The following DYNC1I1 variants were observed in gnomAD, a reference collection of about 807,000 sequenced individuals.
DYNC1I1 encodes dynein cytoplasmic 1 intermediate chain 1.
Under a neutral mutation model 86.6 loss-of-function variants are expected in DYNC1I1, and 43 were observed. The ratio of observed to expected loss-of-function variants is 0.50; its 90% CI spans 0.39 to 0.64. The LOEUF is 0.64. Among genes scored for constraint, DYNC1I1 ranks in the 30% least tolerant of loss-of-function variants. The probability of loss-of-function intolerance (pLI) is 0.00; values close to 1 mark genes in which losing one functional copy is unlikely to be tolerated. For synonymous variants in DYNC1I1, 262 were observed against 283.7 expected (o/e 0.92, Z 0.77); for missense variants, 604 against 788.8 (o/e 0.77, Z 2.81).
intron 11 of DYNC1I1, among the ~76,000 whole-genome samples, chr7:96,030,330 T>TGTGTG (rs1794778067): frequency 1.5e-5 from 2 of 135,400 alleles, no homozygotes; most frequent in African/African-American, 2.8e-5. Flanking sequence ...AATGGTAGAG[T>TGTGTG]TGTGTGTGTG....
At chr7:96,030,495 G>T (rs1301106260) in intron 11 of DYNC1I1, among the ~76,000 whole-genome samples, 3 of 151,900 alleles carry the variant, frequency 2.0e-5, no homozygotes, top group African/African-American at 4.8e-5. Context: ...CCTGGGAGGG[G>T]CTGCCACACA....
intron 4 of DYNC1I1, among the ~76,000 whole-genome samples, chr7:95,826,077 G>C (rs992054179): frequency 6.6e-6 from 1 of 152,200 alleles, no homozygotes; most frequent in Non-Finnish European, 1.5e-5. Flanking sequence ...TGTATGTCCT[G>C]GAGCGTGTTT....
chr7:95,830,205 G>A lies in DYNC1I1; in HGVS notation c.374+2089G>A, dbSNP rs533368278. 3.3e-5 allele frequency among the ~76,000 whole-genome samples: 5 copies of A among 152,108 alleles called. No homozygotes were observed. In the East Asian group the frequency reaches 5.8e-4, roughly 18 times the overall value. On this transcript the variant is annotated intron_variant, in intron 5 of 16. Transcript: ENST00000447467. ...TGTCACTTAATTTAACACCTTTACT[G>A]AAGTATAACTGGCTTTAAATAAACT...
intron 16 of DYNC1I1, among the ~76,000 whole-genome samples, chr7:96,090,507 A>T (rs1460493775): frequency 7.3e-6 from 1 of 137,804 alleles, no homozygotes; most frequent in African/African-American, 2.9e-5. Context: ...TGGATTTTTT[A>T]AAAAGTGTTA....
At chr7:95,889,373 T>G (rs551294248) in intron 6 of DYNC1I1, among the ~76,000 whole-genome samples, 24 of 152,180 alleles carry the variant, frequency 1.6e-4, no homozygotes, top group Admixed American at 5.2e-4. Flanking sequence ...CAATAAATAG[T>G]TCTGGGACAA....
At chr7:96,040,096 T>C (rs778855246) in intron 14 of DYNC1I1, among the ~76,000 whole-genome samples, 1 of 151,946 alleles carries the variant, frequency 6.6e-6, no homozygotes, top group African/African-American at 2.4e-5. Context: ...TAGCTACATA[T>C]GGTGGTACAT....
At chr7:95,840,104 A>G (rs1484512651) in intron 5 of DYNC1I1, among the ~76,000 whole-genome samples, 2 of 151,960 alleles carry the variant, frequency 1.3e-5, no homozygotes, top group African/African-American at 4.8e-5. Flanking sequence ...GGGCTTCCTG[A>G]ATCTGGATGT....
intron 6 of DYNC1I1, among the ~76,000 whole-genome samples, chr7:95,878,779 A>G (rs1042919913): frequency 1.3e-5 from 2 of 152,172 alleles, no homozygotes; most frequent in African/African-American, 4.8e-5. Context: ...TAGACACAGC[A>G]TAGTACAAAT....
intron 14 of DYNC1I1, among the ~76,000 whole-genome samples, chr7:96,075,231 T>G (rs1790293943): frequency 6.6e-6 from 1 of 152,164 alleles, no homozygotes; most frequent in Admixed American, 6.5e-5. Context: ...CCATTTTAAT[T>G]TATTGTATCC....
intron 10 of DYNC1I1, among the ~76,000 whole-genome samples, chr7:96,001,441 T>A (rs190319981): frequency 6.6e-6 from 1 of 152,348 alleles, no homozygotes; most frequent in Admixed American, 6.5e-5. Context: ...ATAGTTATAT[T>A]AGCCTGCTCA....
intron 5 of DYNC1I1, among the ~76,000 whole-genome samples, chr7:95,841,018 A>G (rs1008132001): frequency 1.3e-5 from 2 of 152,212 alleles, no homozygotes; most frequent in African/African-American, 2.4e-5. Flanking sequence ...AGGAAGAGGA[A>G]CTGTGGCAAA....
At chr7:95,960,043 A>G (rs1018366852) in intron 6 of DYNC1I1, among the ~76,000 whole-genome samples, 1 of 152,210 alleles carries the variant, frequency 6.6e-6, no homozygotes. Context: ...ACAGGAGATC[A>G]TATATTGTAA....
chr7:95,839,431 C>G (rs1789216104), intron 5 of DYNC1I1, among the ~76,000 whole-genome samples: 1 of 152,190 alleles, frequency 6.6e-6, no homozygotes, highest in South Asian at 2.1e-4. Flanking sequence ...AGCATTTTCT[C>G]TTGCATACGA....
chr7:96,084,293 C>G (rs1790610695), intron 16 of DYNC1I1, among the ~76,000 whole-genome samples: 2 of 138,086 alleles, frequency 1.4e-5, no homozygotes, highest in Admixed American at 7.7e-5. Flanking sequence ...GAGTGTTACT[C>G]TTAATGCCAC....
intron 10 of DYNC1I1, among the ~76,000 whole-genome samples, chr7:96,003,719 C>A (rs1182662989): frequency 2.0e-5 from 3 of 152,046 alleles, no homozygotes; most frequent in Non-Finnish European, 2.9e-5. Flanking sequence ...GCTGTAGTTG[C>A]CCCAGGCCAG....
chr7:96,043,550 A>AG (rs398085992), intron 14 of DYNC1I1, among the ~76,000 whole-genome samples: 3 of 151,832 alleles, frequency 2.0e-5, no homozygotes, highest in African/African-American at 2.4e-5. Context: ...AAAAAAAAAA[A>AG]ACAGAACAAA....
intron 15 of DYNC1I1, 90 bp downstream of exon 15, chr7:96,076,287 C>T (rs1790337729): frequency 6.6e-7 from 1 of 1,524,080 alleles, no homozygotes; most frequent in Admixed American, 2.1e-5. Flanking sequence ...CCAAAACGGC[C>T]TTTTTTGGAC....
At chr7:95,774,812 G>A (rs528791169) in intron 1 of DYNC1I1, among the ~76,000 whole-genome samples, 2 of 152,314 alleles carry the variant, frequency 1.3e-5, no homozygotes, top group African/African-American at 4.8e-5. Context: ...TAAAATGCAT[G>A]CCAAATCTGA....
At chr7:96,055,341 T>C (rs1789542743) in intron 14 of DYNC1I1, among the ~76,000 whole-genome samples, 1 of 151,842 alleles carries the variant, frequency 6.6e-6, no homozygotes, top group African/African-American at 2.4e-5. Context: ...CAAACAACCA[T>C]GGCATGGGTA....
Sources: allele counts gnomAD v4.1 joint callset (sites outside exome capture counted in the v4.1 genomes callset), GRCh38; gene constraint gnomAD v4.1.1; transcripts MANE v1.5; gene names NCBI Gene and HGNC (gene_info 2026-07-23, HGNC 2026-07-21).